The following CD8B2 variants were observed in gnomAD, a reference collection of about 807,000 sequenced individuals.
CD8B2 encodes CD8B family member 2, also known as T-cell surface glycoprotein CD8 beta-2 chain.
Under a neutral mutation model 23.7 loss-of-function variants are expected in CD8B2, and 11 were observed. That is an observed-to-expected ratio of 0.46 (90% CI 0.29 to 0.77). The LOEUF is 0.77. Among genes scored for constraint, CD8B2 ranks in the 30% least tolerant of loss-of-function variants. CD8B2 has a pLI of 0.09. For missense variants in CD8B2, 197 were observed against 270.5 expected (o/e 0.73, Z 1.91); for synonymous variants, 90 against 109.3 (o/e 0.82, Z 1.10).
chr2:106,543,659 A>G (rs936204955), intron 5 of CD8B2, among the ~76,000 whole-genome samples: 2 of 152,186 alleles, frequency 1.3e-5, no homozygotes. Context: ...ATATAAATAA[A>G]TTAATTAAAC....
chr2:106,530,533 C>T (rs1679978301), intron 5 of CD8B2, among the ~76,000 whole-genome samples: 1 of 151,726 alleles, frequency 6.6e-6, no homozygotes, highest in Admixed American at 6.6e-5. Flanking sequence ...CGCCCGCTAC[C>T]ACGCCAGGCT....
At chr2:106,528,629 A>G (rs1219888254) in intron 5 of CD8B2, among the ~76,000 whole-genome samples, 1 of 152,230 alleles carries the variant, frequency 6.6e-6, no homozygotes, top group East Asian at 1.9e-4. Context: ...TCGTACAATG[A>G]AAAAGAGAAT....
intron 2 of CD8B2, among the ~76,000 whole-genome samples, chr2:106,495,274 G>A (rs1230475739): frequency 1.6e-4 from 24 of 151,010 alleles, no homozygotes; most frequent in Non-Finnish European, 3.0e-4. Context: ...GCTCGTACCT[G>A]TAATACTAGC....
At chr2:106,502,314 AAAAAAGACTT>A (rs1456316560) in intron 3 of CD8B2, among the ~76,000 whole-genome samples, 150 bp from the exon 4 acceptor site, 7 of 149,994 alleles carry the variant, frequency 4.7e-5, no homozygotes, top group Non-Finnish European at 7.4e-5. Context: ...AAAAAAAAAA[AAAAAAGACTT>A]GAGGAAACAT....
In CD8B2 at chr2:106,519,849, A is replaced by G. The variant is rs138083489; in HGVS notation, c.620+15524A>G. On this transcript the variant is annotated intron_variant, in intron 5 of 5. Transcript: ENST00000416057. ...AGTTTACAAATTTGTGTTGGGCCAC[A>G]TTCAAAGCCCTCCCAGGCCACATGG... 5.5e-3 allele frequency among the ~76,000 whole-genome samples: 842 copies of G among 152,374 alleles called. 2 individuals carry two copies. The highest frequency in any genetic ancestry group is 9.1e-3 in the Non-Finnish European group (622 of 68,040).
Position 106,536,611 on chromosome 2 carries a change from G to C in CD8B2, c.621-7381G>C, listed in dbSNP as rs576954706. On this transcript the variant is annotated intron_variant, in intron 5 of 5. Coordinates refer to the CD8B2 transcript ENST00000416057. ...ATCAAGTATATTCAGCTTTGCTGTAGAGAACAATGAATAGATGAAAAGGGT... is the reference window on the plus strand; with the variant it reads ...ATCAAGTATATTCAGCTTTGCTGTACAGAACAATGAATAGATGAAAAGGGT... Among the ~76,000 whole-genome samples, 21 of 152,286 alleles carry C rather than the reference G, an allele frequency of 1.4e-4. 1 individual carries two copies. In the South Asian group the frequency reaches 3.7e-3, roughly 27 times the overall value.
intron 5 of CD8B2, among the ~76,000 whole-genome samples, chr2:106,517,093 A>T (rs1679741128): frequency 1.3e-5 from 2 of 150,904 alleles, no homozygotes; most frequent in South Asian, 4.2e-4. Flanking sequence ...ATTAATTTTA[A>T]TATTCATTTA....
intron 3 of CD8B2, among the ~76,000 whole-genome samples, chr2:106,497,850 A>C (rs1488913247): frequency 6.6e-6 from 1 of 152,182 alleles, no homozygotes; most frequent in African/African-American, 2.4e-5. Context: ...AGGCAAATAC[A>C]ATAGAGCCAC....
At chr2:106,513,528 C>T (rs1422351995), downstream of CD8B2, among the ~76,000 whole-genome samples, 43 of 147,682 alleles carry the variant, frequency 2.9e-4, no homozygotes, top group Admixed American at 6.0e-4. Context: ...GAGGTCTCTG[C>T]GGTTGGGTGA....
downstream of CD8B2, among the ~76,000 whole-genome samples, chr2:106,512,478 T>C (rs1265154789): frequency 2.6e-5 from 4 of 152,090 alleles, no homozygotes. Flanking sequence ...TCCTTGGGTG[T>C]GTGTGTGTGT....
At chr2:106,492,920 T>C (rs1679221305) in intron 2 of CD8B2, among the ~76,000 whole-genome samples, 1 of 152,186 alleles carries the variant, frequency 6.6e-6, no homozygotes, top group Non-Finnish European at 1.5e-5. Flanking sequence ...GGTTTGGCTT[T>C]AGCTTATTGT....
chr2:106,533,984 C>T (rs1050434605), intron 5 of CD8B2, among the ~76,000 whole-genome samples: 4 of 152,230 alleles, frequency 2.6e-5, no homozygotes, highest in Admixed American at 1.3e-4. Context: ...TCACTGAGCA[C>T]TTACTATGTG....
At chr2:106,494,677 G>A (rs970712677) in intron 2 of CD8B2, among the ~76,000 whole-genome samples, 9 of 151,972 alleles carry the variant, frequency 5.9e-5, no homozygotes, top group Admixed American at 3.3e-4. Context: ...TCTGGGTGCC[G>A]GCCCACTGCC....
chr2:106,543,521 CTCTGT>C (rs1033804866), intron 5 of CD8B2, among the ~76,000 whole-genome samples: 1 of 151,706 alleles, frequency 6.6e-6, no homozygotes, highest in African/African-American at 2.4e-5. Context: ...CAGGGCGAGA[CTCTGT>C]CTCAATATAA....
intron 5 of CD8B2, among the ~76,000 whole-genome samples, chr2:106,520,480 G>A (rs1376887414): frequency 1.3e-5 from 2 of 152,160 alleles, no homozygotes; most frequent in Non-Finnish European, 2.9e-5. Context: ...GGTTGCACAT[G>A]GCCTGGCTGT....
chr2:106,488,978 G>GTTTTTA (rs925790016), intron 1 of CD8B2, among the ~76,000 whole-genome samples: 59 of 151,768 alleles, frequency 3.9e-4, no homozygotes, highest in Admixed American at 1.1e-3. Context: ...TTTCCTTCTT[G>GTTTTTA]TTTTTATTTT....
downstream of CD8B2, among the ~76,000 whole-genome samples, chr2:106,512,852 A>G (rs1349173077): frequency 6.6e-6 from 1 of 152,110 alleles, no homozygotes; most frequent in Non-Finnish European, 1.5e-5. Flanking sequence ...GGATAGACAT[A>G]GTTGGGCCCC....
At chr2:106,505,389 G>A (rs1283300533) in intron 5 of CD8B2, among the ~76,000 whole-genome samples, 1 of 152,090 alleles carries the variant, frequency 6.6e-6, no homozygotes, top group Non-Finnish European at 1.5e-5. Flanking sequence ...ATCACCATGT[G>A]ACAGCCAGCA....
At chr2:106,530,330 G>A (rs1226343363) in intron 5 of CD8B2, among the ~76,000 whole-genome samples, 4 of 152,124 alleles carry the variant, frequency 2.6e-5, no homozygotes, top group Non-Finnish European at 5.9e-5. Context: ...TTGAGGAACA[G>A]GGAGGGAGGT....
Sources: allele counts gnomAD v4.1 joint callset (sites outside exome capture counted in the v4.1 genomes callset), GRCh38; gene constraint gnomAD v4.1.1; transcripts MANE v1.5; gene names NCBI Gene and HGNC (gene_info 2026-07-23, HGNC 2026-07-21).